Variants in CRBN observed in about 807,000 individuals in gnomAD.
The protein encoded by CRBN is protein cereblon.
In CRBN, 53 loss-of-function variants were observed where a neutral mutation model predicts 62.2. The observed-to-expected ratio is 0.85, with a 90% confidence interval of 0.68 to 1.07. CRBN has a LOEUF of 1.07. Ranked by LOEUF, CRBN falls within the 50% of genes least tolerant of loss-of-function variation. CRBN has a pLI of 0.00. For synonymous variants in CRBN, 208 were observed against 176.1 expected (o/e 1.18, Z -1.43); for missense variants, 616 against 531.1 (o/e 1.16, Z -1.57).
intron 1 of CRBN, 96 bp downstream of exon 1, chr3:3,179,525 G>T: frequency 8.0e-7 from 1 of 1,250,582 alleles, no homozygotes; most frequent in Non-Finnish European, 1.2e-6. Context: ...CGCCAGGCTT[G>T]GCGCCCCCAC....
At chr3:3,161,595 G>T (rs1707141548) in intron 5 of CRBN, among the ~76,000 whole-genome samples, 1 of 152,006 alleles carries the variant, frequency 6.6e-6, no homozygotes. Flanking sequence ...CACCATTTTG[G>T]CCAGGCTGGT....
chr3:3,167,531 G>T (rs1575094435), intron 5 of CRBN, 103 bp downstream of exon 5: 4 of 1,122,328 alleles, frequency 3.6e-6, no homozygotes, highest in Non-Finnish European at 5.3e-6. Flanking sequence ...GCCATACAAG[G>T]TGGCTGGGTA....
Position 3,172,933 on chromosome 3 carries a change from G to T in CRBN, c.378-8C>A, listed in dbSNP as rs764198586. ...TCCCTTTCCTGTACATTGCTTCCAA[G>T]AAAATTTTAAAAGGAAAGAATTTTG... is the stretch of plus-strand genomic sequence containing the variant. On this transcript the variant is annotated splice_polypyrimidine_tract_variant and splice_region_variant and intron_variant, in intron 3 of 10. Transcript: ENST00000231948. 6.2e-7 allele frequency: 1 copy of T among 1,612,446 alleles called. No homozygotes were observed. Among genetic ancestry groups the T allele is most frequent in the South Asian group, 1.1e-5 (1 of 91,052 alleles).
intron 10 of CRBN, among the ~76,000 whole-genome samples, chr3:3,151,335 A>G (rs1706534496): frequency 6.6e-6 from 1 of 152,216 alleles, no homozygotes; most frequent in African/African-American, 2.4e-5. Context: ...CTGGTTGCCA[A>G]GACCACATTC....
intron 5 of CRBN, among the ~76,000 whole-genome samples, chr3:3,159,362 T>C (rs1025711762): frequency 6.6e-6 from 1 of 152,220 alleles, no homozygotes; most frequent in African/African-American, 2.4e-5. Context: ...TTAGTTTCGC[T>C]GACACACTCC....
chr3:3,163,739 T>C (rs751540786), intron 5 of CRBN, among the ~76,000 whole-genome samples: 2 of 152,116 alleles, frequency 1.3e-5, no homozygotes, highest in Non-Finnish European at 2.9e-5. Flanking sequence ...TTTTAAGCCA[T>C]CTTGGTGCGG....
intron 7 of CRBN, chr3:3,154,306 T>A (rs749413218): frequency 1.5e-4 from 81 of 531,688 alleles, no homozygotes; most frequent in Middle Eastern, 1.0e-3. Flanking sequence ...ATGTTAAACA[T>A]GAACTCAAAT....
intron 5 of CRBN, among the ~76,000 whole-genome samples, chr3:3,162,928 C>T (rs147511326): frequency 1.3e-5 from 2 of 152,196 alleles, no homozygotes; most frequent in South Asian, 2.1e-4. Flanking sequence ...AACACTGTTA[C>T]ATAATCCAGC....
chr3:3,159,194 A>G (rs1707034568), intron 5 of CRBN, among the ~76,000 whole-genome samples: 1 of 152,194 alleles, frequency 6.6e-6, no homozygotes, highest in Non-Finnish European at 1.5e-5. Context: ...AGACTAATAC[A>G]GTGCCTAACA....
In CRBN at chr3:3,174,169, C is replaced by T. The variant is rs760055652; in HGVS notation, c.267G>A (p.Met89Ile). The change falls in exon 3 of 11, where the codon ATG becomes ATA. Residue 89 changes from methionine (M) to isoleucine (I), a missense_variant. Transcript: ENST00000231948. ...GTAATGTCTGTCCGGGAATCAGGAT[C>T]ATCATCACTTGTGGAAGAACTGGAA... Reference protein sequence around the residue: ...QVIPVLPQVMMILIPGQTLPL... With the variant: ...QVIPVLPQVMIILIPGQTLPL... 6 of 1,614,172 alleles carry T rather than the reference C, an allele frequency of 3.7e-6. No homozygotes were observed. The East Asian group carries it at 1.3e-4, about 36-fold the overall frequency.
In CRBN at chr3:3,174,258, G is replaced by A. The variant is rs760002909; in HGVS notation, c.178C>T (p.Leu60=). Residue 60 remains leucine (L), a synonymous_variant, in exon 3 of 11, where the codon CTA becomes TTA. Coordinates refer to ENST00000231948, the MANE Select transcript of CRBN (RefSeq NM_016302.4). ...TGAAATTCTTCCATATCAGCACCTA[G>A]GTACTATATAAAAACATATATAGGT... ...DTSLPTSHTY[L]GADMEEFHGR... 3 of 1,610,926 alleles carry A rather than the reference G, an allele frequency of 1.9e-6. No homozygotes were observed. The highest frequency in any genetic ancestry group is 2.5e-6 in the Non-Finnish European group (3 of 1,177,204).
Position 3,150,682 on chromosome 3 carries a change from C to G in CRBN, c.*183G>C. ...CTAGACTGCCGTTCATGCTTGTTTC[C>G]TAAAGTATACTTAAAAGTTTCAAAT... On this transcript the variant is annotated 3_prime_UTR_variant, in exon 11 of 11. Transcript: ENST00000231948. The G allele has an allele frequency of 1.7e-6, 1 of 602,108 alleles. No individual in the cohort carries two copies. 37.3% of individuals were successfully genotyped at this position (602,108 alleles called of 1,614,324 possible). A position where few individuals can be genotyped will look rare whatever the true frequency, so the allele number is the denominator to read the frequency against.
In CRBN at chr3:3,152,894, T is replaced by C. The variant is rs117672302; in HGVS notation, c.1017-307A>G. ...TAAAACTCAAATGCTTCTAAAGGAG[T>C]CTGAGAGTGTAAGTGCAATGACAAG... On this transcript the variant is annotated intron_variant, in intron 9 of 10. Transcript: ENST00000231948. 2,287 of 412,718 alleles carry C rather than the reference T, an allele frequency of 5.5e-3. 115 individuals are homozygous for C. The Admixed American group carries it at 0.075, about 14-fold the overall frequency. The allele number at this position is 412,718 out of a possible 1,614,324, so 25.6% of individuals were successfully genotyped here. A position where few individuals can be genotyped will look rare whatever the true frequency, so the allele number is the denominator to read the frequency against.
intron 1 of CRBN, among the ~76,000 whole-genome samples, chr3:3,176,522 G>A (rs1268619322): frequency 6.6e-6 from 1 of 152,150 alleles, no homozygotes; most frequent in Non-Finnish European, 1.5e-5. Context: ...GATCACTTGA[G>A]GTCAGGAGTT....
At chr3:3,166,384 T>C (rs867558581) in intron 5 of CRBN, among the ~76,000 whole-genome samples, 1 of 152,176 alleles carries the variant, frequency 6.6e-6, no homozygotes, top group African/African-American at 2.4e-5. Context: ...TCCCCAGCCA[T>C]GTGGAACTTT....
chr3:3,167,092 T>A (rs1259676915), intron 5 of CRBN, among the ~76,000 whole-genome samples: 3 of 152,154 alleles, frequency 2.0e-5, no homozygotes, highest in African/African-American at 7.2e-5. Context: ...ATGACAATTA[T>A]GATTTAGTCA....
At chr3:3,153,072 G>A (rs556290082) in intron 9 of CRBN, 2 of 305,200 alleles carry the variant, frequency 6.6e-6, no homozygotes, top group African/African-American at 4.3e-5. Context: ...TCCTACTTTG[G>A]CCCTATATGG....
chr3:3,173,247 G>A (rs149275634), intron 3 of CRBN, among the ~76,000 whole-genome samples: 2,413 of 151,914 alleles, frequency 0.016, 55 homozygotes, highest in African/African-American at 0.05. Context: ...TAGTAGAGAC[G>A]GGGTTTCACC....
chr3:3,152,414 G>GT (rs755363264), intron 10 of CRBN, 42 bp downstream of exon 10: 10 of 1,584,886 alleles, frequency 6.3e-6, no homozygotes, highest in South Asian at 3.5e-5. Flanking sequence ...CCCAATTAAG[G>GT]TAAAAAAAGA....
Sources: gnomAD v4.1 joint callset for allele counts (sites outside exome capture counted in the v4.1 genomes callset) on GRCh38, gnomAD v4.1.1 for gene constraint, MANE v1.5 for transcripts, NCBI Gene and HGNC (gene_info 2026-07-23, HGNC 2026-07-21) for gene names.